Variants in OIP5 observed in about 807,000 individuals in gnomAD.
The protein encoded by OIP5 is Opa interacting protein 5, also known as protein Mis18-beta.
OIP5 carries 24 observed loss-of-function variants against 20.3 expected under a neutral mutation model. That is an observed-to-expected ratio of 1.18 (90% CI 0.86 to 1.66). The LOEUF (loss-of-function observed/expected upper bound fraction) is 1.66, where lower values mean the gene tolerates loss of function less well. Among genes scored for constraint, OIP5 ranks in the 40% most tolerant of loss-of-function variants. OIP5 has a pLI of 0.00. For synonymous variants in OIP5, 143 were observed against 121.3 expected, an observed-to-expected ratio of 1.18 and a Z score of -1.17; for missense variants, 339 against 289.5, an observed-to-expected ratio of 1.17 and a Z score of -1.24.
chr15:41,319,239 CT>C (rs567039095), intron 3 of OIP5, among the ~76,000 whole-genome samples: 2,568 of 141,828 alleles, frequency 0.018, 29 homozygotes, highest in Middle Eastern at 0.046. Context: ...TGCCCAGCTA[CT>C]TTTTTTTTTT....
In OIP5 at chr15:41,331,961, A is replaced by G. The variant is rs2047923885; in HGVS notation, c.343T>C (p.Leu115=). ...VFSRVTNNVV[L]EAPFLVGIEG... ...ATGCCAACTAGGAAGGGCGCTTCCA[A>G]AACGACGTTATTTGTAACTCCTAGG... is the stretch of plus-strand genomic sequence containing the variant. Residue 115 remains leucine (L), a synonymous_variant, in exon 2 of 5, where the codon TTG becomes CTG. Coordinates refer to ENST00000220514, the MANE Select transcript of OIP5 (RefSeq NM_007280.2). 6.2e-7 allele frequency: 1 copy of G among 1,613,976 alleles called. No individual in the cohort carries two copies. Among genetic ancestry groups the G allele is most frequent in the Non-Finnish European group, 8.5e-7 (1 of 1,180,028 alleles).
intron 2 of OIP5, among the ~76,000 whole-genome samples, chr15:41,325,096 T>C (rs1054660380): frequency 2.0e-5 from 3 of 152,042 alleles, no homozygotes; most frequent in African/African-American, 2.4e-5. Context: ...TTAACAGACA[T>C]AATGATGAAA....
At position 41,332,237 on chromosome 15, in the gene OIP5, C is replaced by T; in HGVS notation, c.322+3G>A. 1 of 1,541,778 alleles carries T rather than the reference C, an allele frequency of 6.5e-7. No individual in the cohort carries two copies. The highest frequency in any genetic ancestry group is 8.7e-7 in the Non-Finnish European group (1 of 1,146,730). Reference sequence around the variant, plus strand: ...CCTTTCCCGAACGCTTCACTGCACTCACTGGAGAAGACCACGGCCCCGAGG... The same window carrying T: ...CCTTTCCCGAACGCTTCACTGCACTTACTGGAGAAGACCACGGCCCCGAGG... On this transcript the variant is annotated splice_donor_region_variant and intron_variant, in intron 1 of 4. Coordinates refer to ENST00000220514, the MANE Select transcript of OIP5 (RefSeq NM_007280.2).
rs763602201 is a variant in OIP5, at chr15:41,313,208, A to G, written c.594+65T>C. 1.8e-4 allele frequency: 176 copies of G among 962,112 alleles called. No homozygotes were observed. The Middle Eastern group carries it at 2.5e-3, about 14-fold the overall frequency. 59.6% of individuals were successfully genotyped at this position (962,112 alleles called of 1,614,324 possible). A position where few individuals can be genotyped will look rare whatever the true frequency, so the allele number is the denominator to read the frequency against. ...ATGCCATTTCATCATCCCCAAGTTC[A>G]TTGGTAGAAGTTATCAAGAGTTGTC... On this transcript the variant is annotated intron_variant, in intron 4 of 4. Transcript: ENST00000220514.
intron 2 of OIP5, among the ~76,000 whole-genome samples, chr15:41,326,515 C>T (rs1433244930): frequency 6.6e-6 from 1 of 152,166 alleles, no homozygotes; most frequent in East Asian, 1.9e-4. Context: ...CCTCCGTCTC[C>T]TAGGTTCAAG....
intron 3 of OIP5, among the ~76,000 whole-genome samples, chr15:41,318,867 T>A (rs2047804513): frequency 6.6e-6 from 1 of 151,498 alleles, no homozygotes; most frequent in African/African-American, 2.4e-5. Context: ...GCTAATTTTT[T>A]AAAATTTTGT....
At chr15:41,327,996 G>A (rs1364048335) in intron 2 of OIP5, among the ~76,000 whole-genome samples, 1 of 152,036 alleles carries the variant, frequency 6.6e-6, no homozygotes, top group African/African-American at 2.4e-5. Context: ...AGCTACTTGG[G>A]AGGCTGAGGT....
intron 3 of OIP5, among the ~76,000 whole-genome samples, chr15:41,316,972 T>A (rs1229069121): frequency 1.3e-5 from 2 of 152,170 alleles, no homozygotes; most frequent in Non-Finnish European, 2.9e-5. Context: ...AACTAGGTTG[T>A]CAATGCTTGT....
chr15:41,321,624 C>T (rs1348305531), intron 2 of OIP5, among the ~76,000 whole-genome samples: 1 of 151,958 alleles, frequency 6.6e-6, no homozygotes, highest in Non-Finnish European at 1.5e-5. Context: ...ATGACCTTAC[C>T]CCCAATCCTG....
chr15:41,330,827 G>C (rs1197128663), intron 2 of OIP5, among the ~76,000 whole-genome samples: 1 of 152,158 alleles, frequency 6.6e-6, no homozygotes, highest in African/African-American at 2.4e-5. Context: ...TATGACTAGT[G>C]ATTACAGTAT....
chr15:41,319,815 T>TA (rs113877629), intron 2 of OIP5, 35 bp from the exon 3 acceptor site: 29,010 of 1,542,162 alleles, frequency 0.019, 670 homozygotes, highest in African/African-American at 0.1. Flanking sequence ...TGGGTAAGAA[T>TA]AAAAAATCAT....
Position 41,309,857 on chromosome 15 carries a change from G to A in OIP5, c.595-8C>T, listed in dbSNP as rs777320440. The stretch of plus-strand genomic sequence containing the variant: ...CACTATCTTCTCTTTCAGCTAGGAA[G>A]AGAAATATATAGATATCAGGGCATC... On this transcript the variant is annotated splice_polypyrimidine_tract_variant and splice_region_variant and intron_variant, in intron 4 of 4. Coordinates refer to ENST00000220514, the MANE Select transcript of OIP5 (RefSeq NM_007280.2). 43 of 1,586,038 alleles carry A rather than the reference G, an allele frequency of 2.7e-5. No homozygotes were observed. Among genetic ancestry groups the A allele is most frequent in the Non-Finnish European group, 3.6e-5 (42 of 1,155,864 alleles).
chr15:41,320,935 G>A (rs1028590802), intron 2 of OIP5, among the ~76,000 whole-genome samples: 2 of 146,886 alleles, frequency 1.4e-5, no homozygotes, highest in Non-Finnish European at 3.0e-5. Flanking sequence ...CTGCCCTGCC[G>A]CCCCGTCTGG....
At chr15:41,319,856 G>C in intron 2 of OIP5, 76 bp from the exon 3 acceptor site, 1 of 1,271,302 alleles carries the variant, frequency 7.9e-7, no homozygotes, top group East Asian at 2.6e-5. Flanking sequence ...AGTCTCTGAA[G>C]CATTCCTAAC....
intron 2 of OIP5, among the ~76,000 whole-genome samples, chr15:41,320,851 C>A (rs1486540402): frequency 1.3e-5 from 2 of 151,656 alleles, no homozygotes; most frequent in Non-Finnish European, 2.9e-5. Flanking sequence ...CGCCTCTTCC[C>A]GGCCGCCATC....
intron 4 of OIP5, among the ~76,000 whole-genome samples, chr15:41,310,110 G>A (rs1246917372): frequency 6.6e-6 from 1 of 152,146 alleles, no homozygotes. Flanking sequence ...CTGGCAGTCA[G>A]TGATCCTCCC....
intron 4 of OIP5, among the ~76,000 whole-genome samples, 155 bp downstream of exon 4, chr15:41,313,118 A>G (rs2047769352): frequency 6.6e-6 from 1 of 152,198 alleles, no homozygotes. Context: ...TGGTTTTAGT[A>G]TTTTGTTTTT....
At chr15:41,325,301 G>A (rs2047854576) in intron 2 of OIP5, among the ~76,000 whole-genome samples, 1 of 152,090 alleles carries the variant, frequency 6.6e-6, no homozygotes, top group South Asian at 2.1e-4. Context: ...AGCTACTCGG[G>A]AGGCTGAGGC....
At chr15:41,323,731 A>AC (rs2047844035) in intron 2 of OIP5, among the ~76,000 whole-genome samples, 1 of 152,042 alleles carries the variant, frequency 6.6e-6, no homozygotes, top group South Asian at 2.1e-4. Context: ...TTGGTCTCCC[A>AC]AAGTGCTGGG....
Sources: allele counts gnomAD v4.1 joint callset (sites outside exome capture counted in the v4.1 genomes callset), GRCh38; gene constraint gnomAD v4.1.1; transcripts MANE v1.5; gene names NCBI Gene and HGNC (gene_info 2026-07-23, HGNC 2026-07-21).